Variants in EXD3 observed in about 807,000 individuals in gnomAD.
The protein encoded by EXD3 is exonuclease 3'-5' domain containing 3, also known as exonuclease mut-7 homolog.
In EXD3, 92 loss-of-function variants were observed where a neutral mutation model predicts 98.0. The observed-to-expected ratio is 0.94, with a 90% CI of 0.79 to 1.12. EXD3 has a LOEUF of 1.12. EXD3 is among the 50% of genes most tolerant of loss of function. The pLI is 0.00. For synonymous variants in EXD3, 569 were observed against 526.0 expected (o/e 1.08, Z -1.12); for missense variants, 1,222 against 1,191.6 (o/e 1.03, Z -0.38).
chr9:137,378,999 G>A (rs1465381074), intron 3 of EXD3, among the ~76,000 whole-genome samples: 8 of 123,030 alleles, frequency 6.5e-5, no homozygotes, highest in Non-Finnish European at 1.2e-4. Context: ...ATCTGTGTGA[G>A]GGGTACAAGG....
chr9:137,419,299 A>G (rs896112267), intron 1 of EXD3, among the ~76,000 whole-genome samples: 3 of 152,238 alleles, frequency 2.0e-5, no homozygotes, highest in African/African-American at 7.2e-5. Flanking sequence ...TTCCCTGCCA[A>G]TCGCGTCTTC....
chr9:137,392,982 G>A (rs1837013784), intron 2 of EXD3: 10 of 584,316 alleles, frequency 1.7e-5, no homozygotes, highest in Non-Finnish European at 2.4e-5. Flanking sequence ...GTTCCAGGGG[G>A]CACCGAGGCT....
At chr9:137,310,239 T>C (rs931302724) in intron 19 of EXD3, among the ~76,000 whole-genome samples, 4 of 152,190 alleles carry the variant, frequency 2.6e-5, no homozygotes, top group African/African-American at 9.7e-5. Flanking sequence ...CGGGCCCCCA[T>C]GGCTGCATTA....
rs778380632 is a variant in EXD3, at chr9:137,349,399, G to A, written c.1627C>T (p.Pro543Ser). The change falls in exon 15 of 22, where the codon CCG (proline) becomes TCG (serine). Residue 543 changes from proline (P) to serine (S), a missense_variant. Pro to Ser is a moderately conservative substitution (Grantham distance 74). Coordinates refer to ENST00000340951, the MANE Select transcript of EXD3 (RefSeq NM_017820.5). The surrounding 1 kb of genome is among the most constrained non-coding windows in gnomAD (Gnocchi z 7.4). ...TAGATGACCTGCTCCTCGCAGAGCG[G>A]CCTCCGGTCCCAGTTGGACAGCTGC... ...TQQLSNWDRRPLCEEQVIYAA... is the reference protein window; with the variant it reads ...TQQLSNWDRRSLCEEQVIYAA... The A allele has an allele frequency of 2.5e-6, 4 of 1,595,730 alleles. No individual in the cohort carries two copies. The East Asian group carries it at 9.0e-5, about 36-fold the overall frequency.
chr9:137,417,458 C>T (rs1588447083), intron 1 of EXD3, among the ~76,000 whole-genome samples: 2 of 152,140 alleles, frequency 1.3e-5, no homozygotes, highest in African/African-American at 2.4e-5. Flanking sequence ...GAGCCAACGG[C>T]GCGAGGGGCG....
chr9:137,341,243 C>G (rs1968), intron 17 of EXD3, among the ~76,000 whole-genome samples: 133,948 of 152,236 alleles, frequency 0.88, 58,933 homozygotes, highest in East Asian at 0.94. Context: ...CTTGAGCCTA[C>G]GATGTTGAGG....
chr9:137,335,138 T>C (rs1425461618), intron 17 of EXD3, among the ~76,000 whole-genome samples: 2 of 151,346 alleles, frequency 1.3e-5, no homozygotes, highest in South Asian at 2.1e-4. Context: ...AAGAAAATAT[T>C]TGCAAACTAT....
chr9:137,352,996 C>G, intron 10 of EXD3: 1 of 1,388,660 alleles, frequency 7.2e-7, no homozygotes, highest in Non-Finnish European at 9.3e-7. Flanking sequence ...GGTGCTGAGG[C>G]AAAGGCTGTC....
rs764452609 is a variant in EXD3, at chr9:137,371,436, C to T, written c.462+1469G>A. On this transcript the variant is annotated intron_variant, in intron 5 of 21. Coordinates refer to ENST00000340951, the MANE Select transcript of EXD3 (RefSeq NM_017820.5). This position sits in a 1 kb window ranked among gnomAD's most constrained non-coding sequence, Gnocchi z 8.0. ...GTGAGGGCCCGGCCAGGGCAGCCCC[C>T]GATGCCCGTGCCCAGGTTCCAATGC... is the stretch of plus-strand genomic sequence containing the variant. Among the ~76,000 whole-genome samples the T allele has an allele frequency of 2.0e-4, 30 of 152,114 alleles. No individual in the cohort carries two copies. The highest frequency in any genetic ancestry group is 2.9e-4 in the African/African-American group (12 of 41,418).
intron 2 of EXD3, among the ~76,000 whole-genome samples, chr9:137,383,745 C>T (rs1836442125): frequency 1.3e-5 from 2 of 152,228 alleles, no homozygotes; most frequent in Admixed American, 1.3e-4. Flanking sequence ...AGCATCTTCT[C>T]ACCCAAACCC....
At chr9:137,408,220 T>G (rs1025377918) in intron 1 of EXD3, among the ~76,000 whole-genome samples, 3 of 151,844 alleles carry the variant, frequency 2.0e-5, no homozygotes, top group African/African-American at 7.3e-5. Context: ...GCCCTGCACG[T>G]GCCCCAAAGC....
intron 17 of EXD3, among the ~76,000 whole-genome samples, chr9:137,333,077 CAGG>C (rs1357687759): frequency 6.6e-6 from 1 of 152,144 alleles, no homozygotes; most frequent in Non-Finnish European, 1.5e-5. Flanking sequence ...ATAAAGCACG[CAGG>C]AGAAGATGGA....
At chr9:137,320,227 G>A (rs111767786) in intron 19 of EXD3, among the ~76,000 whole-genome samples, 3,038 of 152,078 alleles carry the variant, frequency 0.02, 101 homozygotes, top group East Asian at 0.16. Flanking sequence ...CCTTCCCCAC[G>A]TCCTGCCCCC....
rs186626195 is a variant in EXD3, at chr9:137,347,192, C to T, written c.1998+879G>A. On this transcript the variant is annotated intron_variant, in intron 17 of 21. Transcript: ENST00000340951. The surrounding 1 kb of genome is among the most constrained non-coding windows in gnomAD (Gnocchi z 4.2). Reference sequence around the variant, plus strand: ...ATAGTTCTGTGGAAGTCCAGAAGTCCGGTGGACTCAACCAGGTTCTCTGCT... The same window carrying T: ...ATAGTTCTGTGGAAGTCCAGAAGTCTGGTGGACTCAACCAGGTTCTCTGCT... 3.3e-4 allele frequency among the ~76,000 whole-genome samples: 51 copies of T among 152,270 alleles called. No individual in the cohort carries two copies. Among genetic ancestry groups the T allele is most frequent in the Non-Finnish European group, 2.9e-4 (20 of 68,034 alleles).
rs1835584813 is a variant in EXD3, at chr9:137,371,297, C to CCGGG, written c.462+1604_462+1607dup. 1.3e-5 allele frequency among the ~76,000 whole-genome samples: 2 copies of CCGGG among 152,222 alleles called. No homozygotes were observed. The highest frequency in any genetic ancestry group is 2.9e-5 in the Non-Finnish European group (2 of 68,016). Reference sequence around the variant, plus strand: ...ACCCTCCATCCTGCATTGTCCTGTGCCGGGACATGGTGGCTTCTCAGCGCC... The same window carrying CCGGG: ...ACCCTCCATCCTGCATTGTCCTGTGCCGGGCGGGACATGGTGGCTTCTCAGCGCC... On this transcript the variant is annotated intron_variant, in intron 5 of 21. Transcript: ENST00000340951. This position sits in a 1 kb window ranked among gnomAD's most constrained non-coding sequence, Gnocchi z 8.0.
At chr9:137,329,404 T>C in intron 17 of EXD3, among the ~76,000 whole-genome samples, 2 of 10,024 alleles carry the variant, frequency 2.0e-4, no homozygotes, top group Admixed American at 1.1e-3. Flanking sequence ...TACACGGGGC[T>C]ACACGGGGCT....
chr9:137,395,199 C>G lies in EXD3; in HGVS notation c.55+104G>C. ...CCGCAGCTAGGGGCCAGCAGCCTGG[C>G]CCTCGTCACTGAGTACACAGTGGGC... is the stretch of plus-strand genomic sequence containing the variant. On this transcript the variant is annotated intron_variant, in intron 2 of 21. Coordinates refer to ENST00000340951, the MANE Select transcript of EXD3 (RefSeq NM_017820.5). The surrounding 1 kb of genome is among the most constrained non-coding windows in gnomAD (Gnocchi z 6.5). 1 of 1,084,304 alleles carries G rather than the reference C, an allele frequency of 9.2e-7. No individual in the cohort carries two copies. The highest frequency in any genetic ancestry group is 1.4e-6 in the Non-Finnish European group (1 of 707,340). 67.2% of individuals were successfully genotyped at this position (1,084,304 alleles called of 1,614,324 possible). A position where few individuals can be genotyped will look rare whatever the true frequency, so the allele number is the denominator to read the frequency against.
chr9:137,401,302 C>A (rs1018565693), intron 1 of EXD3, among the ~76,000 whole-genome samples: 1 of 152,024 alleles, frequency 6.6e-6, no homozygotes, highest in African/African-American at 2.4e-5. Context: ...AACAGATGCC[C>A]GCCACCACAC....
rs551060274 is a variant in EXD3, at chr9:137,371,605, C to T, written c.462+1300G>A. 5.9e-5 allele frequency among the ~76,000 whole-genome samples: 9 copies of T among 151,902 alleles called. No individual in the cohort carries two copies. Among genetic ancestry groups the T allele is most frequent in the African/African-American group, 7.3e-5 (3 of 41,356 alleles). Reference sequence around the variant, plus strand: ...CTGAAGTAAGGGGGCCCTAATGGGGCGGGGAGTGGACCAGTGCCCCTGAGT... The same window carrying T: ...CTGAAGTAAGGGGGCCCTAATGGGGTGGGGAGTGGACCAGTGCCCCTGAGT... On this transcript the variant is annotated intron_variant, in intron 5 of 21. Coordinates refer to ENST00000340951, the MANE Select transcript of EXD3 (RefSeq NM_017820.5). The surrounding 1 kb of genome is among the most constrained non-coding windows in gnomAD (Gnocchi z 8.0).
Sources: gnomAD v4.1 joint callset for allele counts (sites outside exome capture counted in the v4.1 genomes callset) on GRCh38, gnomAD v4.1.1 for gene constraint, Gnocchi (gnomAD v3.1) non-coding constraint, MANE v1.5 for transcripts, NCBI Gene and HGNC (gene_info 2026-07-23, HGNC 2026-07-21) for gene names.